The following TRA2A variants were observed in gnomAD, a reference collection of about 807,000 sequenced individuals.
TRA2A encodes transformer 2 alpha homolog, also known as transformer-2 protein homolog alpha.
TRA2A carries 31 observed loss-of-function variants against 45.7 expected under a neutral mutation model. The observed-to-expected ratio is 0.68, with a 90% CI of 0.51 to 0.92. The LOEUF is 0.92. Ranked by LOEUF, TRA2A falls within the 40% of genes least tolerant of loss-of-function variation. The probability of loss-of-function intolerance (pLI) is 0.00; values close to 1 mark genes in which losing one functional copy is unlikely to be tolerated. For synonymous variants in TRA2A, 132 were observed against 126.2 expected (o/e 1.05, Z -0.31); for missense variants, 304 against 367.5 (o/e 0.83, Z 1.41).
intron 3 of TRA2A, among the ~76,000 whole-genome samples, chr7:23,514,066 GA>G (rs1789749378): frequency 6.7e-6 from 1 of 149,998 alleles, no homozygotes; most frequent in African/African-American, 2.5e-5. Flanking sequence ...ACGGCTAGTA[GA>G]TTTTTTTTTT....
chr7:23,530,207 A>C (rs923697316), intron 1 of TRA2A, among the ~76,000 whole-genome samples: 1 of 152,196 alleles, frequency 6.6e-6, no homozygotes, highest in East Asian at 1.9e-4. Flanking sequence ...TGATTTTAGA[A>C]AGTTCTGTTG....
chr7:23,520,170 C>A (rs1198915139), intron 2 of TRA2A, among the ~76,000 whole-genome samples: 2 of 152,174 alleles, frequency 1.3e-5, no homozygotes, highest in African/African-American at 4.8e-5. Context: ...GAGCCAAGAT[C>A]GTGCCACTGC....
At chr7:23,521,680 T>C (rs771574934) in intron 2 of TRA2A, 27 bp downstream of exon 2, 1 of 1,610,288 alleles carries the variant, frequency 6.2e-7, no homozygotes, top group South Asian at 1.1e-5. Context: ...AGAAGAATAT[T>C]TTAAGTATTA....
chr7:23,529,718 C>T (rs1790492025), intron 1 of TRA2A, among the ~76,000 whole-genome samples: 1 of 152,094 alleles, frequency 6.6e-6, no homozygotes, highest in South Asian at 2.1e-4. Flanking sequence ...AGTTGATTTA[C>T]ACTAAAATAC....
At chr7:23,531,548 G>A (rs1790584911) in intron 1 of TRA2A, 4 of 579,768 alleles carry the variant, frequency 6.9e-6, no homozygotes, top group Non-Finnish European at 3.0e-6. Flanking sequence ...GGGCGGGGAG[G>A]GAAGAGGACC....
intron 1 of TRA2A, among the ~76,000 whole-genome samples, chr7:23,529,396 G>C (rs1790473729): frequency 6.6e-6 from 1 of 152,168 alleles, no homozygotes; most frequent in Non-Finnish European, 1.5e-5. Flanking sequence ...AAGTAGCTGT[G>C]ATCACAGGCG....
At chr7:23,519,368 G>A (rs759378766) in intron 2 of TRA2A, among the ~76,000 whole-genome samples, 1 of 151,950 alleles carries the variant, frequency 6.6e-6, no homozygotes, top group Non-Finnish European at 1.5e-5. Flanking sequence ...TGGCGACAGA[G>A]TGAGACTCCG....
At chr7:23,506,437 T>C (rs890916176) in intron 5 of TRA2A, 171 bp from the exon 6 acceptor site, 3 of 720,764 alleles carry the variant, frequency 4.2e-6, no homozygotes, top group African/African-American at 1.8e-5. Context: ...GTTTGCCTTA[T>C]TCCCTACATA....
intron 3 of TRA2A, among the ~76,000 whole-genome samples, chr7:23,515,223 CTTTTTTTTTTTTT>C (rs767953060): frequency 2.1e-5 from 2 of 96,798 alleles, no homozygotes; most frequent in Non-Finnish European, 3.9e-5. Flanking sequence ...GAACATATTT[CTTTTTTTTTTTTT>C]TTTTTTTTTT....
chr7:23,517,911 C>CAACA lies in TRA2A; in HGVS notation c.171-1387_171-1384dup, dbSNP rs377361159. ...TGGGAACAAGCACAAAACTCTGTCT[C>CAACA]AACAAACAAACAAACAAACAAAATC... On this transcript the variant is annotated intron_variant, in intron 2 of 7. Coordinates refer to ENST00000297071, the MANE Select transcript of TRA2A (RefSeq NM_013293.5). Among the ~76,000 whole-genome samples, 34 of 150,694 alleles carry CAACA rather than the reference C, an allele frequency of 2.3e-4. No homozygotes were observed. In the East Asian group the frequency reaches 2.8e-3, roughly 12 times the overall value.
intron 3 of TRA2A, among the ~76,000 whole-genome samples, chr7:23,514,981 C>T (rs558764282): frequency 6.6e-6 from 1 of 152,096 alleles, no homozygotes; most frequent in Non-Finnish European, 1.5e-5. Context: ...AAAACTAAAC[C>T]AAAACCAAAA....
At position 23,516,513 on chromosome 7, in the gene TRA2A, T is replaced by C; in HGVS notation, c.186A>G (p.Arg62=). The C allele has an allele frequency of 2.5e-6, 4 of 1,614,032 alleles. No homozygotes were observed. Among genetic ancestry groups the C allele is most frequent in the Non-Finnish European group, 2.5e-6 (3 of 1,179,992 alleles). ...ATCGAGTGTAACGTCTATGAGAATG[T>C]CTCCTTGACCTCGACCTTTGAGAGA... is the stretch of plus-strand genomic sequence containing the variant. ...SRSKSRSRSR[R]HSHRRYTRSR... The change falls in exon 3 of 8, where the codon AGA becomes AGG. Residue 62 remains arginine, a synonymous_variant. Transcript: ENST00000297071.
rs1790597692 is a variant in TRA2A, at chr7:23,531,788, C to G, written c.36+1G>C. ...GACGGCTCCCGCGGCTTTGTACTCA[C>G]TCTGCCCTCGAAGTTGTTTTCCTCC... On this transcript the variant is annotated splice_donor_variant, in intron 1 of 7. Coordinates refer to ENST00000297071, the MANE Select transcript of TRA2A (RefSeq NM_013293.5). LOFTEE classifies it high-confidence loss of function. 6.2e-7 allele frequency: 1 copy of G among 1,613,662 alleles called. No homozygotes were observed. Among genetic ancestry groups the G allele is most frequent in the Non-Finnish European group, 8.5e-7 (1 of 1,180,032 alleles).
chr7:23,516,565 C>T (rs981245244), intron 2 of TRA2A, 37 bp from the exon 3 acceptor site: 1 of 1,599,266 alleles, frequency 6.3e-7, no homozygotes, highest in South Asian at 1.1e-5. Context: ...AATACTGAAA[C>T]AAAATGGCTA....
At chr7:23,516,014 A>G (rs1209913803) in intron 3 of TRA2A, among the ~76,000 whole-genome samples, 1 of 152,024 alleles carries the variant, frequency 6.6e-6, no homozygotes, top group East Asian at 2.0e-4. Context: ...ATTTCTAAAA[A>G]CACAAAAATT....
intron 4 of TRA2A, among the ~76,000 whole-genome samples, chr7:23,510,836 G>T (rs949640574): frequency 6.6e-6 from 1 of 151,112 alleles, no homozygotes; most frequent in South Asian, 2.1e-4. Flanking sequence ...TCACAAATAC[G>T]TAACAGTAAA....
chr7:23,527,600 T>C lies in TRA2A; in HGVS notation c.36+4189A>G, dbSNP rs566307832. 1.1e-4 allele frequency among the ~76,000 whole-genome samples: 16 copies of C among 152,348 alleles called. No individual in the cohort carries two copies. In the South Asian group the frequency reaches 3.3e-3, roughly 32 times the overall value. On this transcript the variant is annotated intron_variant, in intron 1 of 7. Transcript: ENST00000297071. ...TGATGACATTTCACACTTCTTATAATACACATGCTACATCGTAGGTTAGAG... is the reference window on the plus strand; with the variant it reads ...TGATGACATTTCACACTTCTTATAACACACATGCTACATCGTAGGTTAGAG...
At chr7:23,531,339 C>T in intron 1 of TRA2A, 2 of 774,868 alleles carry the variant, frequency 2.6e-6, no homozygotes, top group Non-Finnish European at 3.2e-6. Flanking sequence ...GCCCGGAAAG[C>T]AGCCCCGCGC....
At chr7:23,510,311 T>C (rs940857201) in intron 4 of TRA2A, among the ~76,000 whole-genome samples, 6 of 152,172 alleles carry the variant, frequency 3.9e-5, no homozygotes, top group African/African-American at 1.4e-4. Context: ...GTCTTTAAAG[T>C]TGCCAGTTAA....
Sources: allele counts gnomAD v4.1 joint callset (sites outside exome capture counted in the v4.1 genomes callset), GRCh38; gene constraint gnomAD v4.1.1; transcripts MANE v1.5; gene names NCBI Gene and HGNC (gene_info 2026-07-23, HGNC 2026-07-21).